Variants in LONP2 observed in about 807,000 individuals in gnomAD.
LONP2 encodes lon peptidase 2, peroxisomal, also known as lon protease homolog 2, peroxisomal.
A neutral mutation model predicts 85.6 loss-of-function variants in LONP2; 60 were observed. The observed-to-expected ratio is 0.70, with a 90% CI of 0.57 to 0.87. The LOEUF is 0.87. LONP2 is among the 40% of genes least tolerant of loss of function. LONP2 has a pLI of 0.00. For synonymous variants in LONP2, 395 were observed against 389.7 expected, an observed-to-expected ratio of 1.01 and a Z score of -0.16; for missense variants, 860 against 1,063.5, an observed-to-expected ratio of 0.81 and a Z score of 2.66.
intron 8 of LONP2, among the ~76,000 whole-genome samples, chr16:48,285,102 A>G (rs1175903723): frequency 6.6e-6 from 1 of 151,582 alleles, no homozygotes; most frequent in Non-Finnish European, 1.5e-5. Flanking sequence ...TTTTTGAAGT[A>G]ATTTTGTTGG....
chr16:48,264,819 G>A (rs1362401300), intron 6 of LONP2, among the ~76,000 whole-genome samples: 2 of 152,156 alleles, frequency 1.3e-5, no homozygotes, highest in African/African-American at 4.8e-5. Flanking sequence ...ACGTTCTTCT[G>A]CCATGGCTTC....
intron 11 of LONP2, among the ~76,000 whole-genome samples, chr16:48,306,744 A>C (rs1972920351): frequency 6.6e-6 from 1 of 152,212 alleles, no homozygotes; most frequent in African/African-American, 2.4e-5. Flanking sequence ...TAATTTCTAC[A>C]AAAGAGTCTA....
chr16:48,295,922 CA>C, intron 8 of LONP2, 92 bp from the exon 9 acceptor site: 2 of 1,176,822 alleles, frequency 1.7e-6, no homozygotes, highest in East Asian at 4.8e-5. Flanking sequence ...GCAGAAATAC[CA>C]ACCTTGCCAG....
At chr16:48,314,345 T>TG (rs1973097752) in intron 11 of LONP2, among the ~76,000 whole-genome samples, 1 of 152,208 alleles carries the variant, frequency 6.6e-6, no homozygotes, top group Admixed American at 6.5e-5. Context: ...TTGTTGCTAT[T>TG]GCTTTTGTCA....
At chr16:48,342,948 A>G (rs964941620) in intron 12 of LONP2, among the ~76,000 whole-genome samples, 2 of 152,178 alleles carry the variant, frequency 1.3e-5, no homozygotes, top group African/African-American at 2.4e-5. Context: ...CCTTGGAAAG[A>G]AGGCCTACAA....
At chr16:48,246,051 T>A (rs1329181630) in intron 1 of LONP2, among the ~76,000 whole-genome samples, 1 of 152,200 alleles carries the variant, frequency 6.6e-6, no homozygotes, top group Admixed American at 6.5e-5. Context: ...TGTGACTATG[T>A]ACATTTTTTT....
At chr16:48,337,131 C>T (rs748459220) in intron 12 of LONP2, among the ~76,000 whole-genome samples, 1 of 152,210 alleles carries the variant, frequency 6.6e-6, no homozygotes, top group Non-Finnish European at 1.5e-5. Context: ...TACAAATTCA[C>T]GTAAGTGGCA....
rs1279260383 is a variant in LONP2, at chr16:48,340,313, G to T, written c.1938+5955G>T. On this transcript the variant is annotated intron_variant, in intron 12 of 14. Coordinates refer to ENST00000285737, the MANE Select transcript of LONP2 (RefSeq NM_031490.5). ...CAGAGTTCAAATTTGGTGAGTCAGT[G>T]TACCCACTGCATTGCCCAGTAATAC... 2.0e-5 allele frequency among the ~76,000 whole-genome samples: 3 copies of T among 152,156 alleles called. No homozygotes were observed. The East Asian group carries it at 5.8e-4, about 29-fold the overall frequency.
intron 11 of LONP2, among the ~76,000 whole-genome samples, chr16:48,313,194 T>G (rs1200455035): frequency 1.3e-5 from 2 of 152,236 alleles, no homozygotes; most frequent in Non-Finnish European, 2.9e-5. Flanking sequence ...AAATAAAAAC[T>G]CCTGGGGCAT....
chr16:48,304,965 C>T (rs370987240), intron 11 of LONP2, among the ~76,000 whole-genome samples: 6 of 152,196 alleles, frequency 3.9e-5, no homozygotes, highest in African/African-American at 1.4e-4. Flanking sequence ...TGAACAGACA[C>T]AGCCAAATGT....
chr16:48,326,895 T>C lies in LONP2; in HGVS notation c.1796-7321T>C, dbSNP rs191115928. Among the ~76,000 whole-genome samples, 31 of 152,230 alleles carry C rather than the reference T, an allele frequency of 2.0e-4. No individual in the cohort carries two copies. The East Asian group carries it at 5.8e-3, about 28-fold the overall frequency. ...TCATCTTCCTGTGGCAGAGGGAAAA[T>C]GAATAGAGAAGAACAGTTGACTGTG... On this transcript the variant is annotated intron_variant, in intron 11 of 14. Transcript: ENST00000285737.
At chr16:48,347,772 G>A (rs929627566) in intron 13 of LONP2, 58 bp downstream of exon 13, 63 of 1,500,592 alleles carry the variant, frequency 4.2e-5, no homozygotes, top group Middle Eastern at 2.3e-4. Context: ...CTTCCATGGC[G>A]GAGACTGGCA....
intron 8 of LONP2, among the ~76,000 whole-genome samples, chr16:48,289,813 T>C (rs189227206): frequency 6.6e-6 from 1 of 152,332 alleles, no homozygotes; most frequent in Non-Finnish European, 1.5e-5. Flanking sequence ...TTTTCCACTT[T>C]TGTGACCACT....
intron 12 of LONP2, among the ~76,000 whole-genome samples, chr16:48,340,384 C>T (rs147917905): frequency 6.6e-6 from 1 of 152,174 alleles, no homozygotes; most frequent in Admixed American, 6.5e-5. Context: ...ACCATACTCC[C>T]TAAAAACAGA....
At chr16:48,297,225 TG>T (rs1328106447) in intron 9 of LONP2, among the ~76,000 whole-genome samples, 1 of 152,200 alleles carries the variant, frequency 6.6e-6, no homozygotes, top group Non-Finnish European at 1.5e-5. Context: ...CTCGAACTCC[TG>T]GCCTCAAGTG....
Position 48,352,689 on chromosome 16 carries a change from C to T in LONP2, c.*887C>T, listed in dbSNP as rs1960188007. ...GAAGCCTACACATCCCAATAGAAGC[C>T]CCTTCTTATGCTGAGGGAAGCAGCC... On this transcript the variant is annotated 3_prime_UTR_variant, in exon 15 of 15. Coordinates refer to ENST00000285737, the MANE Select transcript of LONP2 (RefSeq NM_031490.5). 6.6e-6 allele frequency: 1 copy of T among 152,168 alleles called. No homozygotes were observed. The highest frequency in any genetic ancestry group is 1.9e-4 in the East Asian group (1 of 5,192). The allele number at this position is 152,168 out of a possible 1,614,324, so 9.4% of individuals were successfully genotyped here.
intron 11 of LONP2, among the ~76,000 whole-genome samples, chr16:48,325,184 T>C (rs1973344042): frequency 6.6e-6 from 1 of 152,074 alleles, no homozygotes; most frequent in African/African-American, 2.4e-5. Context: ...TAATTCACAA[T>C]AGAGTTTGAG....
chr16:48,286,806 T>G (rs1011413030), intron 8 of LONP2, among the ~76,000 whole-genome samples: 2 of 146,448 alleles, frequency 1.4e-5, no homozygotes, highest in African/African-American at 2.6e-5. Context: ...TGACTTCTCT[T>G]TTTTTTTTTT....
At chr16:48,279,536 A>C (rs969401883) in intron 8 of LONP2, among the ~76,000 whole-genome samples, 3 of 152,024 alleles carry the variant, frequency 2.0e-5, no homozygotes, top group Non-Finnish European at 2.9e-5. Flanking sequence ...GTGTATATGC[A>C]TTCACCTGAG....
Sources: gnomAD v4.1 joint callset for allele counts (sites outside exome capture counted in the v4.1 genomes callset) on GRCh38, gnomAD v4.1.1 for gene constraint, MANE v1.5 for transcripts, NCBI Gene and HGNC (gene_info 2026-07-23, HGNC 2026-07-21) for gene names.